The following HGFAC variants were observed in gnomAD, a reference collection of about 807,000 sequenced individuals.
HGFAC encodes the protein HGF activator, also known as hepatocyte growth factor activator serine protease.
A neutral mutation model predicts 70.6 loss-of-function variants in HGFAC; 76 were observed. The ratio of observed to expected loss-of-function variants is 1.08; its 90% CI spans 0.89 to 1.30. The LOEUF is 1.30. Among genes scored for constraint, HGFAC ranks in the 50% most tolerant of loss-of-function variants. HGFAC has a pLI of 0.00. For missense variants in HGFAC, 1,044 were observed against 933.7 expected, an observed-to-expected ratio of 1.12 and a Z score of -1.54; for synonymous variants, 464 against 405.3, an observed-to-expected ratio of 1.14 and a Z score of -1.74.
At chr4:3,445,758 T>C in intron 9 of HGFAC, 1 of 1,007,822 alleles carries the variant, frequency 9.9e-7, no homozygotes, top group Non-Finnish European at 1.5e-6. Flanking sequence ...GGTCTCTGAC[T>C]GTGCTGGGGC....
chr4:3,442,682 C>G, intron 1 of HGFAC, 50 bp from the exon 2 acceptor site: 1 of 1,316,480 alleles, frequency 7.6e-7, no homozygotes, highest in Non-Finnish European at 1.0e-6. Context: ...CCCGGCAGGA[C>G]CTGAGTGTGA....
At chr4:3,444,006 C>G in intron 4 of HGFAC, 33 bp from the exon 5 acceptor site, 1 of 1,544,602 alleles carries the variant, frequency 6.5e-7, no homozygotes, top group South Asian at 1.3e-5. Flanking sequence ...GCCTCCCAGT[C>G]CGCCCCTCAC....
chr4:3,442,202 C>A (rs998354104), intron 1 of HGFAC, 84 bp downstream of exon 1: 3 of 1,095,822 alleles, frequency 2.7e-6, no homozygotes, highest in African/African-American at 3.3e-5. Context: ...GGGAGGGTCG[C>A]CACAGAGCGT....
chr4:3,444,183 CG>C, intron 5 of HGFAC, 22 bp downstream of exon 5: 2 of 1,587,838 alleles, frequency 1.3e-6, no homozygotes, highest in Non-Finnish European at 1.7e-6. Context: ...CTCGGAGGTC[CG>C]CAGGGGTCCA....
In HGFAC at chr4:3,445,260, C is replaced by A. The variant is rs1312585624; in HGVS notation, c.1017-5C>A. 6.4e-7 allele frequency: 1 copy of A among 1,568,254 alleles called. No individual in the cohort carries two copies. Among genetic ancestry groups the A allele is most frequent in the Admixed American group, 1.9e-5 (1 of 53,954 alleles). ...TCCCTGCCAGCCCCCACTTATGCAC[C>A]GCAGGAATCCGGACAATGACGAGAG... On this transcript the variant is annotated splice_polypyrimidine_tract_variant and splice_region_variant and intron_variant, in intron 8 of 13. Transcript: ENST00000382774.
intron 11 of HGFAC, 60 bp from the exon 12 acceptor site, chr4:3,447,835 C>T: frequency 6.3e-7 from 1 of 1,585,806 alleles, no homozygotes. Flanking sequence ...ACCACGGGCC[C>T]CGACAGCCTC....
chr4:3,443,119 C>T lies in HGFAC; in HGVS notation c.368C>T (p.Thr123Ile). The change falls in exon 3 of 14, where the codon ACT becomes ATT. Residue 123 changes from threonine (T) to isoleucine (I), a missense_variant. Transcript: ENST00000382774. ...RYGGRMLHACTSEGSAHRKWC... is the reference protein window; with the variant it reads ...RYGGRMLHACISEGSAHRKWC... ...GGGGGCCGCATGCTGCATGCCTGCA[C>T]TTCGGAGGGCAGTGCACACAGGAAG... The T allele has an allele frequency of 6.3e-7, 1 of 1,582,636 alleles. No individual in the cohort carries two copies. Among genetic ancestry groups the T allele is most frequent in the South Asian group, 1.1e-5 (1 of 87,292 alleles).
rs147268113 is a variant in HGFAC at position 3,444,964 on chromosome 4, G to A, written c.987G>A (p.Leu329=). 5.6e-5 allele frequency: 90 copies of A among 1,602,314 alleles called. No homozygotes were observed. Among genetic ancestry groups the A allele is most frequent in the Non-Finnish European group, 6.0e-5 (71 of 1,176,038 alleles). The part of the protein sequence containing the change: ...LHVDSVGAAA[L]LGLGPHAYCR... ...TGGACTCCGTGGGCGCCGCGGCCCT[G>A]CTGGGCCTGGGCCCCCATGCCTACT... Residue 329 remains leucine, a synonymous_variant, in exon 8 of 14, where the codon CTG becomes CTA. Coordinates refer to ENST00000382774, the MANE Select transcript of HGFAC (RefSeq NM_001528.4).
In HGFAC at chr4:3,447,675, C is replaced by G. The variant is rs760513968; in HGVS notation, c.1495+44C>G. On this transcript the variant is annotated intron_variant, in intron 11 of 13. Transcript: ENST00000382774. The stretch of plus-strand genomic sequence containing the variant: ...TGGCTGCACTCTGGGCAGGTGGGCC[C>G]TGTGCTCCCCAGGCCAGGCCCAGAC... 2.5e-6 allele frequency: 4 copies of G among 1,607,824 alleles called. No individual in the cohort carries two copies. The African/African-American group carries it at 5.3e-5, about 21-fold the overall frequency.
chr4:3,443,424 G>C lies in HGFAC; in HGVS notation c.475+4G>C. The C allele has an allele frequency of 2.8e-6, 4 of 1,454,312 alleles. No individual in the cohort carries two copies. Among genetic ancestry groups the C allele is most frequent in the Non-Finnish European group, 3.6e-6 (4 of 1,099,424 alleles). The allele number at this position is 1,454,312 out of a possible 1,614,324, so 90.1% of individuals were successfully genotyped here. The stretch of plus-strand genomic sequence containing the variant: ...ACCCCGCCTCCAGGGGGCCCAGGTG[G>C]GTGCTGGGTTGGGTAGCCTGGGGCG... On this transcript the variant is annotated splice_donor_region_variant and intron_variant, in intron 4 of 13. Coordinates refer to ENST00000382774, the MANE Select transcript of HGFAC (RefSeq NM_001528.4).
At position 3,446,159 on chromosome 4, in the gene HGFAC, G is replaced by A. The variant is rs905228669; in HGVS notation, c.1220G>A (p.Arg407His). ...AAGAAGAGGACGTTCCTGCGGCCAC[G>A]TATCATCGGCGGCTCCTCCTCGCTG... ...RHKKRTFLRP[R>H]IIGGSSSLPG... is the part of the protein sequence containing the mutation. The change falls in exon 10 of 14, where the codon CGT becomes CAT. Residue 407 changes from arginine to histidine, a missense_variant. Arg to His is a conservative substitution (Grantham distance 29, BLOSUM62 0). Transcript: ENST00000382774. The A allele has an allele frequency of 8.1e-6, 13 of 1,611,428 alleles. No individual in the cohort carries two copies. Among genetic ancestry groups the A allele is most frequent in the African/African-American group, 4.0e-5 (3 of 74,902 alleles).
chr4:3,443,221 C>A, intron 3 of HGFAC, 75 bp downstream of exon 3: 1 of 1,328,320 alleles, frequency 7.5e-7, no homozygotes, highest in Non-Finnish European at 1.0e-6. Flanking sequence ...GAGCCGGGCA[C>A]ACAGTAGGCG....
Position 3,444,123 on chromosome 4 carries a change from G to C in HGFAC, c.560G>C (p.Ser187Thr). Residue 187 changes from serine (S) to threonine (T), a missense_variant, in exon 5 of 14, where the codon AGC becomes ACC. Physicochemically the swap from Ser to Thr is moderately conservative, Grantham distance 58. Transcript: ENST00000382774. ...NTQDPQSYHCSCPRAFTGKDC... is the reference protein window; with the variant it reads ...NTQDPQSYHCTCPRAFTGKDC... ...CAGGACCCCCAGTCCTATCACTGCA[G>C]CTGCCCCCGGGCCTTCACCGGCAAG... 6.2e-7 allele frequency: 1 copy of C among 1,611,900 alleles called. No homozygotes were observed. The highest frequency in any genetic ancestry group is 1.1e-5 in the South Asian group (1 of 90,990).
chr4:3,449,283 A>C lies in HGFAC; in HGVS notation c.1832A>C (p.Tyr611Ser), dbSNP rs1577128878. The change falls in exon 14 of 14, where the codon TAC becomes TCC. Residue 611 changes from tyrosine (Y) to serine (S), a missense_variant. Coordinates refer to ENST00000382774, the MANE Select transcript of HGFAC (RefSeq NM_001528.4). ...GCCTGCGAGAAGAACGGCGTGGCTT[A>C]CCTCTACGGCATCATCAGCTGGGGT... ...PLACEKNGVA[Y>S]LYGIISWGDG... The C allele has an allele frequency of 6.2e-7, 1 of 1,612,226 alleles. No homozygotes were observed.
intron 8 of HGFAC, 112 bp downstream of exon 8, chr4:3,445,105 C>T: frequency 1.5e-6 from 2 of 1,351,566 alleles, no homozygotes; most frequent in South Asian, 2.8e-5. Context: ...TCCAGACAGG[C>T]CCCGGAACCT....
At position 3,447,489 on chromosome 4, in the gene HGFAC, C is replaced by A. The variant is rs1292627564; in HGVS notation, c.1356-3C>A. On this transcript the variant is annotated splice_region_variant and splice_polypyrimidine_tract_variant and intron_variant, in intron 10 of 13. Coordinates refer to ENST00000382774, the MANE Select transcript of HGFAC (RefSeq NM_001528.4). ...CATGCAGCCTCCAGCCCCCCTTGCA[C>A]AGCCCCCCCAGGGACAGCGTCTCCG... The A allele has an allele frequency of 1.9e-6, 3 of 1,612,242 alleles. No homozygotes were observed. The African/African-American group carries it at 4.0e-5, about 22-fold the overall frequency.
rs749280616 is a variant in HGFAC at position 3,442,871 on chromosome 4, C to G, written c.257C>G (p.Pro86Arg). The G allele has an allele frequency of 5.1e-6, 8 of 1,568,822 alleles. No homozygotes were observed. The Admixed American group carries it at 1.4e-4, about 28-fold the overall frequency. ...EGPQSGGLPP[P>R]PRAVPSSSSP... ...CCCCAAAGTGGGGGGCTCCCGCCCC[C>G]GCCCAGGGCAGTTCCCTCGAGCAGT... The change falls in exon 2 of 14, where the codon CCG (proline) becomes CGG (arginine). Residue 86 changes from proline (P) to arginine (R), a missense_variant. Pro to Arg is a moderately radical substitution (Grantham distance 103). Coordinates refer to ENST00000382774, the MANE Select transcript of HGFAC (RefSeq NM_001528.4).
Position 3,444,992 on chromosome 4 carries a change from C to T in HGFAC, c.1015C>T (p.Arg339Trp), listed in dbSNP as rs373478970. 99 of 1,581,532 alleles carry T rather than the reference C, an allele frequency of 6.3e-5. 1 individual carries two copies. The highest frequency in any genetic ancestry group is 4.0e-4 in the Middle Eastern group (2 of 5,038). ...GGGCCTGGGCCCCCATGCCTACTGC[C>T]GGTCAGCACCACGCCGCTCCAGGCC... is the stretch of plus-strand genomic sequence containing the variant. ...LLGLGPHAYC[R>W]NPDNDERPWC... is the part of the protein sequence containing the mutation. Residue 339 changes from arginine (R) to tryptophan (W), a missense_variant and splice_region_variant, in exon 8 of 14, where the codon CGG (arginine) becomes TGG (tryptophan). Physicochemically the swap from Arg to Trp is moderately radical, Grantham distance 101. Coordinates refer to ENST00000382774, the MANE Select transcript of HGFAC (RefSeq NM_001528.4).
At chr4:3,443,556 C>A (rs929238851) in intron 4 of HGFAC, 136 bp downstream of exon 4, 2 of 526,742 alleles carry the variant, frequency 3.8e-6, no homozygotes, top group Non-Finnish European at 6.4e-6. Flanking sequence ...GGATTAACCC[C>A]GGTGGGTGCC....
Sources: gnomAD v4.1 joint callset for allele counts on GRCh38, gnomAD v4.1.1 for gene constraint, MANE v1.5 for transcripts, NCBI Gene and HGNC (gene_info 2026-07-23, HGNC 2026-07-21) for gene names.